Variants in RASA3 observed in about 807,000 individuals in gnomAD.
RASA3 encodes RAS p21 protein activator 3.
In RASA3, 73 loss-of-function variants were observed where a neutral mutation model predicts 110.0. The observed-to-expected ratio is 0.66, with a 90% CI of 0.55 to 0.81. RASA3 has a LOEUF of 0.81. Ranked by LOEUF, RASA3 falls within the 30% of genes least tolerant of loss-of-function variation. The pLI is 0.00. For missense variants in RASA3, 976 were observed against 1,113.2 expected (o/e 0.88, Z 1.75); for synonymous variants, 500 against 451.4 (o/e 1.11, Z -1.37).
intron 1 of RASA3, among the ~76,000 whole-genome samples, chr13:114,101,134 C>T (rs931579279): frequency 3.9e-5 from 6 of 152,264 alleles, no homozygotes; most frequent in Admixed American, 3.3e-4. Flanking sequence ...TTCTGCAGGC[C>T]TGTGTCCCGG....
intron 1 of RASA3, among the ~76,000 whole-genome samples, chr13:114,123,149 T>C (rs1007159176): frequency 6.6e-6 from 1 of 152,146 alleles, no homozygotes; most frequent in African/African-American, 2.4e-5. Context: ...GCCGGAAACA[T>C]GTGTCCTGCA....
intron 1 of RASA3, among the ~76,000 whole-genome samples, chr13:114,123,951 T>C (rs372364912): frequency 6.6e-6 from 1 of 152,056 alleles, no homozygotes; most frequent in South Asian, 2.1e-4. Context: ...AAAGAAACAA[T>C]GTAAAGAGGA....
At chr13:114,110,495 C>T (rs1359237665) in intron 1 of RASA3, among the ~76,000 whole-genome samples, 1 of 152,230 alleles carries the variant, frequency 6.6e-6, no homozygotes, top group Non-Finnish European at 1.5e-5. Context: ...AGCTGCATGA[C>T]CCCTGGCCCT....
chr13:114,043,671 G>A (rs1367480089), intron 3 of RASA3, among the ~76,000 whole-genome samples: 2 of 152,074 alleles, frequency 1.3e-5, no homozygotes, highest in Non-Finnish European at 1.5e-5. Flanking sequence ...AAGGGGGCCG[G>A]CACAGGAAAC....
chr13:114,016,492 G>A (rs950094339), intron 12 of RASA3, among the ~76,000 whole-genome samples: 29 of 152,174 alleles, frequency 1.9e-4, no homozygotes, highest in African/African-American at 6.8e-4. Context: ...GCTGCAAGGG[G>A]GCAACCCTGG....
chr13:114,076,275 G>A (rs551314112), intron 1 of RASA3, among the ~76,000 whole-genome samples: 2 of 152,288 alleles, frequency 1.3e-5, no homozygotes, highest in African/African-American at 4.8e-5. Context: ...ATGATAATCG[G>A]TTGGTGGGAA....
intron 1 of RASA3, among the ~76,000 whole-genome samples, chr13:114,128,519 T>C (rs934225513): frequency 1.3e-5 from 2 of 152,236 alleles, no homozygotes; most frequent in Non-Finnish European, 2.9e-5. Flanking sequence ...GGCACCCCAC[T>C]TGTCATTCTC....
intron 1 of RASA3, among the ~76,000 whole-genome samples, chr13:114,125,040 C>CGCACACTCATCTGATCTGT (rs2080426970): frequency 6.6e-6 from 1 of 151,946 alleles, no homozygotes; most frequent in Non-Finnish European, 1.5e-5. Flanking sequence ...CCCTGATCTG[C>CGCACACTCATCTGATCTGT]GCACACTCAT....
At chr13:114,131,969 C>T (rs1248163484) in intron 1 of RASA3, among the ~76,000 whole-genome samples, 1 of 152,200 alleles carries the variant, frequency 6.6e-6, no homozygotes, top group African/African-American at 2.4e-5. Context: ...AAGGAGCCTC[C>T]ACATTCCCCG....
chr13:114,040,596 C>T (rs112572290), intron 4 of RASA3, among the ~76,000 whole-genome samples: 33 of 121,842 alleles, frequency 2.7e-4, no homozygotes, highest in Middle Eastern at 6.1e-3. Context: ...TGGCGGAGCC[C>T]GCGCTCACTC....
At chr13:113,994,280 G>C (rs1412536504) in intron 21 of RASA3, among the ~76,000 whole-genome samples, 1 of 152,074 alleles carries the variant, frequency 6.6e-6, no homozygotes, top group East Asian at 1.9e-4. Context: ...TGGATACTTG[G>C]TCATTTGTTT....
chr13:114,089,936 C>T (rs967823474), intron 1 of RASA3, among the ~76,000 whole-genome samples: 2 of 151,982 alleles, frequency 1.3e-5, no homozygotes, highest in Admixed American at 6.6e-5. Context: ...TTTCACTGAA[C>T]GTCCTGTCTT....
chr13:114,013,567 CCTAT>C (rs2053695302), intron 14 of RASA3, among the ~76,000 whole-genome samples: 1 of 112,146 alleles, frequency 8.9e-6, no homozygotes, highest in Non-Finnish European at 1.8e-5. Context: ...TGTCTCTCTC[CCTAT>C]CTCTGTCTCT....
intron 1 of RASA3, among the ~76,000 whole-genome samples, chr13:114,109,493 G>A (rs1480785443): frequency 6.6e-6 from 1 of 152,126 alleles, no homozygotes; most frequent in East Asian, 1.9e-4. Context: ...GAAAAACACC[G>A]ACCAACATTT....
chr13:113,979,014 G>A lies in RASA3; in HGVS notation c.*333C>T. 2.8e-6 allele frequency: 1 copy of A among 361,692 alleles called. No homozygotes were observed. The highest frequency in any genetic ancestry group is 3.2e-5 in the South Asian group (1 of 30,986). The allele number at this position is 361,692 out of a possible 1,614,324, so 22.4% of individuals were successfully genotyped here. ...GGTGCATGTCACAGTCGACTAGACG[G>A]GCCGTGGCTCCCTGAGGCTGGCTGT... is the stretch of plus-strand genomic sequence containing the variant. On this transcript the variant is annotated 3_prime_UTR_variant, in exon 24 of 24. Transcript: ENST00000334062.
At chr13:114,043,837 G>GCCCCCCCCCCCCCCCCCCCCCT (rs544129523) in intron 3 of RASA3, among the ~76,000 whole-genome samples, 5 of 22,826 alleles carry the variant, frequency 2.2e-4, no homozygotes, top group Non-Finnish European at 2.8e-4. Flanking sequence ...CACTCGCTGA[G>GCCCCCCCCCCCCCCCCCCCCCT]CCCCCCGCCC....
At chr13:114,087,653 A>T (rs9525254) in intron 1 of RASA3, among the ~76,000 whole-genome samples, 1 of 152,040 alleles carries the variant, frequency 6.6e-6, no homozygotes, top group Non-Finnish European at 1.5e-5. Context: ...GTCTCAGTGG[A>T]GCTCCTTCCA....
At chr13:114,095,612 A>C (rs934059782) in intron 1 of RASA3, among the ~76,000 whole-genome samples, 1 of 152,046 alleles carries the variant, frequency 6.6e-6, no homozygotes, top group Non-Finnish European at 1.5e-5. Context: ...TATGTCATGC[A>C]CACACCTTCA....
chr13:114,128,822 G>A (rs931094807), intron 1 of RASA3, among the ~76,000 whole-genome samples: 2 of 152,248 alleles, frequency 1.3e-5, no homozygotes, highest in African/African-American at 4.8e-5. Flanking sequence ...GCCCACGGCA[G>A]GCCCGGCCTC....
Sources: allele counts gnomAD v4.1 joint callset (sites outside exome capture counted in the v4.1 genomes callset), GRCh38; gene constraint gnomAD v4.1.1; transcripts MANE v1.5; gene names NCBI Gene and HGNC (gene_info 2026-07-23, HGNC 2026-07-21).